The following MDGA2 variants were observed in gnomAD, a reference collection of about 807,000 sequenced individuals.
MDGA2 encodes MAM domain containing glycosylphosphatidylinositol anchor 2, also known as MAM domain-containing glycosylphosphatidylinositol anchor protein 2.
A neutral mutation model predicts 117.8 loss-of-function variants in MDGA2; 40 were observed. The observed-to-expected ratio is 0.34, with a 90% CI of 0.26 to 0.44. The LOEUF (loss-of-function observed/expected upper bound fraction) is 0.44, where lower values mean the gene tolerates loss of function less well. Among genes scored for constraint, MDGA2 ranks in the 20% least tolerant of loss-of-function variants. The pLI, the probability that MDGA2 is intolerant of heterozygous loss-of-function variation, is 1.00. For synonymous variants in MDGA2, 452 were observed against 439.0 expected, an observed-to-expected ratio of 1.03 and a Z score of -0.37; for missense variants, 1,123 against 1,250.6, an observed-to-expected ratio of 0.90 and a Z score of 1.54.
chr14:47,238,878 T>A (rs952693850), intron 2 of MDGA2, among the ~76,000 whole-genome samples: 1 of 151,768 alleles, frequency 6.6e-6, no homozygotes, highest in African/African-American at 2.4e-5. Flanking sequence ...CAAAATGATT[T>A]ATAATAATAT....
chr14:46,979,156 CT>C (rs1217477941), intron 8 of MDGA2, among the ~76,000 whole-genome samples: 1 of 151,874 alleles, frequency 6.6e-6, no homozygotes, highest in African/African-American at 2.4e-5. Flanking sequence ...AAATAGTAAC[CT>C]TTTTTTCAGT....
chr14:47,189,563 T>G (rs559322750), intron 3 of MDGA2, among the ~76,000 whole-genome samples: 2 of 152,194 alleles, frequency 1.3e-5, no homozygotes, highest in South Asian at 4.1e-4. Flanking sequence ...CCATTTACTT[T>G]TCCTCCTCCC....
At chr14:47,405,163 T>C (rs944709191) in intron 1 of MDGA2, among the ~76,000 whole-genome samples, 3 of 152,212 alleles carry the variant, frequency 2.0e-5, no homozygotes, top group Non-Finnish European at 4.4e-5. Flanking sequence ...AATGGCTCTA[T>C]GCGGCTTTAT....
chr14:47,318,138 A>T (rs1244718981), intron 1 of MDGA2, among the ~76,000 whole-genome samples: 1 of 147,452 alleles, frequency 6.8e-6, no homozygotes, highest in Admixed American at 6.8e-5. Flanking sequence ...TACCTATCCC[A>T]TTGAATCTCC....
chr14:46,851,936 A>G (rs1464219065), intron 15 of MDGA2, among the ~76,000 whole-genome samples: 1 of 151,732 alleles, frequency 6.6e-6, no homozygotes, highest in Non-Finnish European at 1.5e-5. Context: ...AAAACAATTC[A>G]AAACAAATTT....
intron 1 of MDGA2, among the ~76,000 whole-genome samples, chr14:47,534,881 C>T (rs946095975): frequency 6.6e-6 from 1 of 152,170 alleles, no homozygotes; most frequent in African/African-American, 2.4e-5. Context: ...TGGAGAGAAA[C>T]TGAAGCACCT....
At chr14:47,355,954 C>T (rs549512044) in intron 1 of MDGA2, among the ~76,000 whole-genome samples, 24 of 152,308 alleles carry the variant, frequency 1.6e-4, no homozygotes, top group Non-Finnish European at 2.2e-4. Context: ...ACCGCAGTCT[C>T]CCAAACCCCA....
At chr14:47,197,129 A>G (rs1447066943) in intron 3 of MDGA2, among the ~76,000 whole-genome samples, 1 of 152,212 alleles carries the variant, frequency 6.6e-6, no homozygotes, top group Non-Finnish European at 1.5e-5. Flanking sequence ...GATGAACACA[A>G]AAGTGCATGT....
chr14:47,032,919 C>A (rs546676812), intron 8 of MDGA2, among the ~76,000 whole-genome samples: 4 of 152,288 alleles, frequency 2.6e-5, no homozygotes, highest in Middle Eastern at 3.4e-3. Context: ...CCTTCCTGGG[C>A]AGGCCAGGGA....
At chr14:46,948,675 C>T (rs534437999) in intron 9 of MDGA2, among the ~76,000 whole-genome samples, 8 of 151,912 alleles carry the variant, frequency 5.3e-5, no homozygotes, top group Non-Finnish European at 8.8e-5. Context: ...TCTCTCTCAA[C>T]GTTTCTCCTA....
intron 1 of MDGA2, among the ~76,000 whole-genome samples, chr14:47,310,066 A>C (rs1432314415): frequency 6.6e-6 from 1 of 152,094 alleles, no homozygotes. Context: ...CAAGTGTCCT[A>C]TTTTTTAAAA....
intron 7 of MDGA2, among the ~76,000 whole-genome samples, chr14:47,049,692 C>T (rs1170486786): frequency 6.6e-6 from 1 of 151,860 alleles, no homozygotes; most frequent in Admixed American, 6.6e-5. Flanking sequence ...ATGTAGAAAC[C>T]CTATATATAG....
At chr14:47,508,045 G>A (rs1300520676) in intron 1 of MDGA2, among the ~76,000 whole-genome samples, 1 of 152,132 alleles carries the variant, frequency 6.6e-6, no homozygotes, top group East Asian at 1.9e-4. Flanking sequence ...ATTTTTGAAT[G>A]GCTCTATTTG....
At chr14:46,880,706 GC>G (rs200854879) in intron 11 of MDGA2, among the ~76,000 whole-genome samples, 1,932 of 146,254 alleles carry the variant, frequency 0.013, 35 homozygotes, top group African/African-American at 0.046. Context: ...GGAGGCTGAA[GC>G]AGGATAATTG....
intron 1 of MDGA2, among the ~76,000 whole-genome samples, chr14:47,466,458 G>T (rs1893606060): frequency 6.6e-6 from 1 of 152,122 alleles, no homozygotes; most frequent in Admixed American, 6.6e-5. Flanking sequence ...ATAAGCAGAT[G>T]AGAGAGACAG....
chr14:46,985,534 C>T (rs907585837), intron 8 of MDGA2, among the ~76,000 whole-genome samples: 1 of 152,016 alleles, frequency 6.6e-6, no homozygotes, highest in Non-Finnish European at 1.5e-5. Flanking sequence ...ACCTGAGTTA[C>T]TGCTACCCCA....
At chr14:47,143,940 C>CT (rs2139201235) in intron 4 of MDGA2, 138 bp downstream of exon 4, 1 of 497,100 alleles carries the variant, frequency 2.0e-6, no homozygotes, top group Non-Finnish European at 3.4e-6. Flanking sequence ...GTTCTCTAAT[C>CT]TTTAAGTCAA....
At chr14:47,170,158 T>C (rs1884060998) in intron 3 of MDGA2, among the ~76,000 whole-genome samples, 1 of 152,168 alleles carries the variant, frequency 6.6e-6, no homozygotes, top group Non-Finnish European at 1.5e-5. Flanking sequence ...GGTTGGCACC[T>C]TGCCTTTGGC....
chr14:47,172,487 T>A (rs2139327440), intron 3 of MDGA2, among the ~76,000 whole-genome samples: 1 of 152,198 alleles, frequency 6.6e-6, no homozygotes, highest in Non-Finnish European at 1.5e-5. Flanking sequence ...CATTCGCGGT[T>A]CACGAAAATC....
Sources: gnomAD v4.1 joint callset for allele counts (sites outside exome capture counted in the v4.1 genomes callset) on GRCh38, gnomAD v4.1.1 for gene constraint, MANE v1.5 for transcripts, NCBI Gene and HGNC (gene_info 2026-07-23, HGNC 2026-07-21) for gene names.